EVI5: variants seen among roughly 807,000 people sequenced by gnomAD.
EVI5 encodes ecotropic viral integration site 5, also known as ecotropic viral integration site 5 protein homolog.
EVI5 carries 73 observed loss-of-function variants against 112.0 expected under a neutral mutation model. That is an observed-to-expected ratio of 0.65 (90% CI 0.54 to 0.79). EVI5 has a LOEUF of 0.79. EVI5 is among the 30% of genes least tolerant of loss of function. The pLI, the probability that EVI5 is intolerant of heterozygous loss-of-function variation, is 0.00. For missense variants in EVI5, 900 were observed against 968.8 expected (o/e 0.93, Z 0.94); for synonymous variants, 305 against 319.9 (o/e 0.95, Z 0.50).
chr1:92,718,176 C>G (rs1453577633), intron 2 of EVI5, among the ~76,000 whole-genome samples: 3 of 152,174 alleles, frequency 2.0e-5, no homozygotes, highest in Non-Finnish European at 4.4e-5. Flanking sequence ...TTGAACTCAG[C>G]TCTCGAGCAA....
intron 1 of EVI5, among the ~76,000 whole-genome samples, chr1:92,740,177 A>G (rs1286229521): frequency 5.9e-5 from 9 of 152,216 alleles, no homozygotes; most frequent in South Asian, 2.1e-4. Context: ...TATAGTTACC[A>G]TTAGTGTACA....
intron 1 of EVI5, among the ~76,000 whole-genome samples, chr1:92,741,610 T>C (rs945850706): frequency 1.3e-5 from 2 of 152,166 alleles, no homozygotes; most frequent in African/African-American, 2.4e-5. Context: ...TTCAGAAAAC[T>C]GGGCTGATGG....
intron 1 of EVI5, among the ~76,000 whole-genome samples, chr1:92,748,719 C>A (rs1679707039): frequency 6.6e-6 from 1 of 151,872 alleles, no homozygotes; most frequent in Admixed American, 6.6e-5. Context: ...AAAAAAACAT[C>A]TTTTCACTTG....
chr1:92,728,639 T>C (rs1435254619), intron 2 of EVI5, among the ~76,000 whole-genome samples: 2 of 152,158 alleles, frequency 1.3e-5, no homozygotes, highest in Non-Finnish European at 2.9e-5. Flanking sequence ...CCGCCCACCT[T>C]GGCCTCCCAA....
intron 16 of EVI5, among the ~76,000 whole-genome samples, chr1:92,617,109 C>T (rs754694432): frequency 4.6e-5 from 7 of 152,192 alleles, no homozygotes; most frequent in South Asian, 2.1e-4. Context: ...TGGTTCTGCA[C>T]GATATGCAGG....
intron 2 of EVI5, chr1:92,732,641 C>G (rs1251050487): frequency 1.9e-5 from 3 of 157,264 alleles, no homozygotes; most frequent in South Asian, 1.9e-4. Flanking sequence ...TGGCTCACGT[C>G]TGTAATCCTG....
At chr1:92,721,499 G>C (rs1204199948) in intron 2 of EVI5, among the ~76,000 whole-genome samples, 2 of 152,094 alleles carry the variant, frequency 1.3e-5, no homozygotes, top group Non-Finnish European at 2.9e-5. Context: ...GACACAGGGA[G>C]GGAAACATCA....
chr1:92,697,696 G>A (rs1250203454), intron 6 of EVI5, among the ~76,000 whole-genome samples, 164 bp downstream of exon 6: 2 of 152,116 alleles, frequency 1.3e-5, no homozygotes, highest in East Asian at 3.9e-4. Flanking sequence ...TAATTTGAAG[G>A]GTCAAATTGT....
At chr1:92,666,937 T>C (rs1558030127) in intron 10 of EVI5, among the ~76,000 whole-genome samples, 1 of 152,162 alleles carries the variant, frequency 6.6e-6, no homozygotes, top group Admixed American at 6.5e-5. Flanking sequence ...AATATTCAAA[T>C]GTCAGTTGAA....
chr1:92,767,076 C>T (rs1682743477), intron 1 of EVI5, among the ~76,000 whole-genome samples: 1 of 117,588 alleles, frequency 8.5e-6, no homozygotes, highest in Non-Finnish European at 1.8e-5. Flanking sequence ...GAGCAAGACT[C>T]CCTCTCAAAA....
intron 19 of EVI5, among the ~76,000 whole-genome samples, chr1:92,530,471 G>A (rs567251855): frequency 6.6e-6 from 1 of 152,076 alleles, no homozygotes; most frequent in Non-Finnish European, 1.5e-5. Flanking sequence ...GTGGGTTCCT[G>A]ACCCCTGTGT....
chr1:92,755,133 C>G (rs780037881), intron 1 of EVI5, among the ~76,000 whole-genome samples: 1 of 145,228 alleles, frequency 6.9e-6, no homozygotes, highest in Admixed American at 7.2e-5. Context: ...TTTGGGCCAG[C>G]TGTAGTGGCT....
At chr1:92,712,566 A>C (rs1371991584) in intron 2 of EVI5, among the ~76,000 whole-genome samples, 1 of 152,210 alleles carries the variant, frequency 6.6e-6, no homozygotes, top group Non-Finnish European at 1.5e-5. Context: ...AATTAATTAT[A>C]CCATCAAATT....
In EVI5 at chr1:92,517,122, C is replaced by T. The variant is rs7524475; in HGVS notation, c.2167-3152G>A. 7.8e-3 allele frequency among the ~76,000 whole-genome samples: 1,182 copies of T among 152,200 alleles called. 9 individuals carry two copies. Among genetic ancestry groups the T allele is most frequent in the Middle Eastern group, 0.014 (4 of 294 alleles). ...ATATGGTCGGATCTCTGTATCAGTGCGACCCACATTCATGGATTCAAACAA... is the reference window on the plus strand; with the variant it reads ...ATATGGTCGGATCTCTGTATCAGTGTGACCCACATTCATGGATTCAAACAA... On this transcript the variant is annotated intron_variant, in intron 19 of 19. Transcript: ENST00000684568.
At chr1:92,562,516 C>A (rs959810909) in intron 19 of EVI5, among the ~76,000 whole-genome samples, 1 of 151,704 alleles carries the variant, frequency 6.6e-6, no homozygotes, top group Non-Finnish European at 1.5e-5. Flanking sequence ...GCCGACAGAG[C>A]GAGACTCCGT....
chr1:92,749,608 A>G (rs1023126478), intron 1 of EVI5, among the ~76,000 whole-genome samples: 5 of 151,796 alleles, frequency 3.3e-5, no homozygotes, highest in Non-Finnish European at 5.9e-5. Flanking sequence ...GTATCTATAA[A>G]TATATGTAAA....
At chr1:92,735,694 T>TAG (rs34004515) in intron 2 of EVI5, among the ~76,000 whole-genome samples, 1 of 141,588 alleles carries the variant, frequency 7.1e-6, no homozygotes, top group Non-Finnish European at 1.5e-5. Flanking sequence ...AACATATATA[T>TAG]GATTGAAATA....
At position 92,596,782 on chromosome 1, in the gene EVI5, G is replaced by T. The variant is rs1648002752; in HGVS notation, c.2070+8525C>A. ...GCCCCAAGATAATTCTTAATTTCAG[G>T]CTTTATATAATTTTTGGAAAGGGAT... On this transcript the variant is annotated intron_variant, in intron 18 of 19. Coordinates refer to ENST00000684568, the MANE Select transcript of EVI5 (RefSeq NM_001350197.2). 2.0e-5 allele frequency among the ~76,000 whole-genome samples: 3 copies of T among 152,020 alleles called. No homozygotes were observed. The South Asian group carries it at 6.2e-4, about 31-fold the overall frequency.
At chr1:92,654,109 AG>A (rs1393568674) in intron 13 of EVI5, among the ~76,000 whole-genome samples, 1 of 151,958 alleles carries the variant, frequency 6.6e-6, no homozygotes, top group Non-Finnish European at 1.5e-5. Flanking sequence ...GTCCCCTGCT[AG>A]GGGGTGAGCA....
Sources: gnomAD v4.1 joint callset for allele counts (sites outside exome capture counted in the v4.1 genomes callset) on GRCh38, gnomAD v4.1.1 for gene constraint, MANE v1.5 for transcripts, NCBI Gene and HGNC (gene_info 2026-07-23, HGNC 2026-07-21) for gene names.